Variants in GFM1 observed in about 807,000 individuals in gnomAD.
GFM1 encodes the protein elongation factor G, mitochondrial.
Under a neutral mutation model 96.2 loss-of-function variants are expected in GFM1, and 62 were observed. That is an observed-to-expected ratio of 0.64 (90% CI 0.53 to 0.80). GFM1 has a LOEUF of 0.80. Ranked by LOEUF, GFM1 falls within the 30% of genes least tolerant of loss-of-function variation. The pLI is 0.00. For missense variants in GFM1, 852 were observed against 916.6 expected, an observed-to-expected ratio of 0.93 and a Z score of 0.91; for synonymous variants, 282 against 312.9, an observed-to-expected ratio of 0.90 and a Z score of 1.04.
intron 8 of GFM1, among the ~76,000 whole-genome samples, chr3:158,655,408 T>C (rs6800718): frequency 0.42 from 63,630 of 151,086 alleles, 14,660 homozygotes; most frequent in African/African-American, 0.62. Flanking sequence ...TGCTTGAACC[T>C]GGGAGGTGGA....
chr3:158,687,381 T>G (rs954058292), intron 15 of GFM1, among the ~76,000 whole-genome samples: 1 of 152,136 alleles, frequency 6.6e-6, no homozygotes, highest in African/African-American at 2.4e-5. Context: ...TAAGTTACAT[T>G]GCTGTTTCTT....
chr3:158,666,418 G>A (rs1723687217), intron 13 of GFM1, 32 bp downstream of exon 13: 2 of 1,564,726 alleles, frequency 1.3e-6, no homozygotes. Context: ...ACATTATGAG[G>A]CTGAAATTGA....
intron 13 of GFM1, chr3:158,669,760 C>T: frequency 1.4e-6 from 1 of 701,648 alleles, no homozygotes; most frequent in East Asian, 2.8e-5. Context: ...TCTAATTGGG[C>T]CTGGCCTATT....
chr3:158,648,448 G>A (rs1722014229), intron 4 of GFM1, among the ~76,000 whole-genome samples: 1 of 152,068 alleles, frequency 6.6e-6, no homozygotes, highest in Admixed American at 6.5e-5. Flanking sequence ...GGAGGCCGAG[G>A]CGGGTGGATC....
rs138197056 is a variant in GFM1, at chr3:158,647,406, A to G, written c.572+459A>G. Among the ~76,000 whole-genome samples the G allele has an allele frequency of 4.8e-4, 73 of 152,318 alleles. No homozygotes were observed. The South Asian group carries it at 0.012, about 25-fold the overall frequency. ...ACATATTTTCTAGGACAACAGTAAC[A>G]CTTCCTTTCTGTACCAGATAGAACC... On this transcript the variant is annotated intron_variant, in intron 4 of 17. Coordinates refer to ENST00000486715, the MANE Select transcript of GFM1 (RefSeq NM_024996.7).
At chr3:158,680,716 G>A (rs903519536) in intron 13 of GFM1, among the ~76,000 whole-genome samples, 4 of 152,076 alleles carry the variant, frequency 2.6e-5, no homozygotes, top group Admixed American at 6.6e-5. Context: ...ATGGGTTTGT[G>A]GTAAAGAACA....
At chr3:158,666,785 A>G in intron 13 of GFM1, 1 of 1,566,910 alleles carries the variant, frequency 6.4e-7, no homozygotes, top group Non-Finnish European at 8.8e-7. Context: ...AAATTCAGAA[A>G]ACATTTAGGA....
At chr3:158,652,058 T>C in intron 5 of GFM1, 38 bp from the exon 6 acceptor site, 3 of 1,576,968 alleles carry the variant, frequency 1.9e-6, no homozygotes, top group Non-Finnish European at 2.6e-6. Context: ...TATATTAAGT[T>C]GAATATCCTT....
Position 158,684,582 on chromosome 3 carries a change from G to A in GFM1, c.1823G>A (p.Arg608Gln), listed in dbSNP as rs541171482. The change falls in exon 15 of 18, where the codon CGG (arginine) becomes CAG (glutamine). Residue 608 changes from arginine to glutamine, a missense_variant. By Grantham distance (43) the Arg-to-Gln change is conservative. Transcript: ENST00000486715. ...PLSGHKLSGL[R>Q]FVLQDGAHHM... Reference sequence around the variant, plus strand: ...TCTGGTCACAAGCTCTCTGGGCTCCGGTTTGTCCTGCAAGATGGAGCACAC... The same window carrying A: ...TCTGGTCACAAGCTCTCTGGGCTCCAGTTTGTCCTGCAAGATGGAGCACAC... The A allele has an allele frequency of 9.9e-6, 16 of 1,614,044 alleles. No homozygotes were observed. The highest frequency in any genetic ancestry group is 4.4e-5 in the South Asian group (4 of 91,072).
At chr3:158,674,249 T>G (rs1353622643) in intron 13 of GFM1, among the ~76,000 whole-genome samples, 1 of 151,812 alleles carries the variant, frequency 6.6e-6, no homozygotes, top group Non-Finnish European at 1.5e-5. Context: ...CCTGGCTAAT[T>G]TTTTTGTATT....
intron 13 of GFM1, chr3:158,668,998 C>G: frequency 6.2e-7 from 1 of 1,609,394 alleles, no homozygotes; most frequent in Non-Finnish European, 8.5e-7. Context: ...CTACTTACCA[C>G]TTGCTTGACA....
chr3:158,680,507 G>C (rs745561607), intron 13 of GFM1, among the ~76,000 whole-genome samples: 2 of 152,150 alleles, frequency 1.3e-5, no homozygotes, highest in African/African-American at 4.8e-5. Flanking sequence ...CTTTTGAAGT[G>C]AATAAACTAA....
intron 5 of GFM1, chr3:158,649,712 C>T: frequency 2.8e-6 from 1 of 351,226 alleles, no homozygotes; most frequent in Non-Finnish European, 5.2e-6. Context: ...TCTTGAGTGA[C>T]CTTTACCTAC....
In GFM1 at chr3:158,684,671, A is replaced by G. The variant is rs757426863; in HGVS notation, c.1909+3A>G. ...AGGAGAAGGTGCTCTTAAACAAGGT[A>G]TGCTGGGTCCGGGCACCTTAGCCTG... On this transcript the variant is annotated splice_donor_region_variant and intron_variant, in intron 15 of 17. Transcript: ENST00000486715. 4 of 1,614,004 alleles carry G rather than the reference A, an allele frequency of 2.5e-6. No homozygotes were observed. Among genetic ancestry groups the G allele is most frequent in the Non-Finnish European group, 3.4e-6 (4 of 1,179,940 alleles).
At chr3:158,662,917 C>G (rs1469677937) in intron 11 of GFM1, among the ~76,000 whole-genome samples, 1 of 152,154 alleles carries the variant, frequency 6.6e-6, no homozygotes, top group Admixed American at 6.5e-5. Context: ...TACTTTATAA[C>G]TCTTTACTAT....
Position 158,693,291 on chromosome 3 carries a change from A to G in GFM1, c.*1824A>G, listed in dbSNP as rs562194806. ...AATATTGTTCCTAATGAGGAAATAC[A>G]TTCTGTGTACCTTCATGGAATTTAG... On this transcript the variant is annotated 3_prime_UTR_variant, in exon 18 of 18. Coordinates refer to ENST00000486715, the MANE Select transcript of GFM1 (RefSeq NM_024996.7). 8 of 152,352 alleles carry G rather than the reference A, an allele frequency of 5.3e-5. No individual in the cohort carries two copies. The South Asian group carries it at 1.7e-3, about 32-fold the overall frequency. 9.4% of individuals were successfully genotyped at this position (152,352 alleles called of 1,614,324 possible).
In GFM1 at chr3:158,660,909, A is replaced by G. The variant is rs1449662279; in HGVS notation, c.1257A>G (p.Ala419=). The G allele has an allele frequency of 1.9e-6, 3 of 1,613,968 alleles. No individual in the cohort carries two copies. Among genetic ancestry groups the G allele is most frequent in the Non-Finnish European group, 2.5e-6 (3 of 1,179,970 alleles). Residue 419 remains alanine, a synonymous_variant, in exon 10 of 18, where the codon GCA becomes GCG. Coordinates refer to ENST00000486715, the MANE Select transcript of GFM1 (RefSeq NM_024996.7). ...VEEVYAGDIC[A]LFGIDCASGD... The stretch of plus-strand genomic sequence containing the variant: ...AAGTATATGCCGGAGACATCTGTGC[A>G]TTGTTTGGCATTGACTGTGCTAGTG...
chr3:158,691,076 C>T, intron 16 of GFM1, 63 bp from the exon 17 acceptor site: 1 of 1,096,890 alleles, frequency 9.1e-7, no homozygotes, highest in Admixed American at 1.7e-5. Flanking sequence ...TAAAATGCGT[C>T]TGTATTTTTC....
In GFM1 at chr3:158,666,378, C is replaced by T. The variant is rs114754676; in HGVS notation, c.1593C>T (p.Ala531=). Residue 531 remains alanine (A), a synonymous_variant, in exon 13 of 18, where the codon GCC becomes GCT. Transcript: ENST00000486715. ...PKVAFRETIT[A]PVPFDFTHKK... is the part of the protein sequence containing the mutation. The stretch of plus-strand genomic sequence containing the variant: ...TTGCCTTTCGAGAGACCATTACTGC[C>T]CCTGTCCCGTAAGTATGCAACGTAA... 1,127 of 1,612,672 alleles carry T rather than the reference C, an allele frequency of 7.0e-4. 11 individuals are homozygous for T. In the African/African-American group the frequency reaches 0.014, roughly 20 times the overall value.
Sources: gnomAD v4.1 joint callset for allele counts (sites outside exome capture counted in the v4.1 genomes callset) on GRCh38, gnomAD v4.1.1 for gene constraint, MANE v1.5 for transcripts, NCBI Gene and HGNC (gene_info 2026-07-23, HGNC 2026-07-21) for gene names.